The following MYCBP2 variants were observed in gnomAD, a reference collection of about 807,000 sequenced individuals.
The protein encoded by MYCBP2 is E3 ubiquitin-protein ligase MYCBP2.
A neutral mutation model predicts 525.3 loss-of-function variants in MYCBP2; 120 were observed. That is an observed-to-expected ratio of 0.23 (90% CI 0.20 to 0.27). The LOEUF (loss-of-function observed/expected upper bound fraction) is 0.27, where lower values mean the gene tolerates loss of function less well. Among genes scored for constraint, MYCBP2 ranks in the 10% least tolerant of loss-of-function variants. The pLI, the probability that MYCBP2 is intolerant of heterozygous loss-of-function variation, is 1.00. For synonymous variants in MYCBP2, 1,894 were observed against 1,955.8 expected (o/e 0.97, Z 0.83); for missense variants, 4,149 against 5,657.1 (o/e 0.73, Z 8.55).
At chr13:77,249,988 C>A (rs929016533) in intron 15 of MYCBP2, among the ~76,000 whole-genome samples, 8 of 152,146 alleles carry the variant, frequency 5.3e-5, no homozygotes, top group African/African-American at 1.9e-4. Context: ...CTTTGGGAGG[C>A]CGAGGCGGGC....
Position 77,072,955 on chromosome 13 carries a change from T to G in MYCBP2, c.11824-2244A>C, listed in dbSNP as rs1263038049. Reference sequence around the variant, plus strand: ...AGATAGTTCTTTCATCTTGTTTACCTCTTTCATCATTTATTTTTGCTTTTT... The same window carrying G: ...AGATAGTTCTTTCATCTTGTTTACCGCTTTCATCATTTATTTTTGCTTTTT... On this transcript the variant is annotated intron_variant, in intron 68 of 82. Coordinates refer to ENST00000544440, the MANE Select transcript of MYCBP2 (RefSeq NM_015057.5). Among the ~76,000 whole-genome samples the G allele has an allele frequency of 3.9e-5, 6 of 152,200 alleles. No homozygotes were observed. The East Asian group carries it at 1.2e-3, about 29-fold the overall frequency.
chr13:77,245,833 T>C (rs529854166), intron 15 of MYCBP2, among the ~76,000 whole-genome samples: 4 of 137,750 alleles, frequency 2.9e-5, no homozygotes, highest in South Asian at 4.6e-4. Flanking sequence ...AATACATATA[T>C]ATGTATATAT....
chr13:77,147,511 A>T lies in MYCBP2; in HGVS notation c.7132-1294T>A, dbSNP rs570513686. On this transcript the variant is annotated intron_variant, in intron 47 of 82. Coordinates refer to ENST00000544440, the MANE Select transcript of MYCBP2 (RefSeq NM_015057.5). ...GATGTCCAACTGCTCATCTACTTCT[A>T]ACTCCTCCTGTACTTACAGTAAAAG... Among the ~76,000 whole-genome samples, 50 of 152,152 alleles carry T rather than the reference A, an allele frequency of 3.3e-4. 1 individual carries two copies. Among genetic ancestry groups the T allele is most frequent in the African/African-American group, 1.0e-3 (43 of 41,548 alleles).
intron 44 of MYCBP2, among the ~76,000 whole-genome samples, chr13:77,161,643 G>C (rs1045398333): frequency 6.6e-6 from 1 of 152,100 alleles, no homozygotes; most frequent in Non-Finnish European, 1.5e-5. Context: ...GCCATCCTCC[G>C]CACCCTTGGC....
At chr13:77,151,016 AC>A in intron 46 of MYCBP2, 67 bp from the exon 47 acceptor site, 1 of 1,277,256 alleles carries the variant, frequency 7.8e-7, no homozygotes, top group Non-Finnish European at 1.1e-6. Flanking sequence ...AAAATAAGCA[AC>A]TTACTATTAT....
chr13:77,095,552 C>T lies in MYCBP2; in HGVS notation c.10005G>A (p.Leu3335=), dbSNP rs762376219. The part of the protein sequence containing the change: ...KPMQVKTPRA[L]PTMEAHQVIK... ...TCACCTGGTGAGCTTCCATGGTGGG[C>T]AAGGCACGAGGGGTCTTGACTTGCA... The change falls in exon 58 of 83, where the codon TTG becomes TTA. Residue 3335 remains leucine (L), a synonymous_variant. Transcript: ENST00000544440. 6.8e-6 allele frequency: 11 copies of T among 1,613,494 alleles called. No homozygotes were observed. The highest frequency in any genetic ancestry group is 9.3e-6 in the Non-Finnish European group (11 of 1,179,660).
chr13:77,317,807 T>A (rs2081130006), intron 1 of MYCBP2, among the ~76,000 whole-genome samples: 1 of 152,070 alleles, frequency 6.6e-6, no homozygotes, highest in Non-Finnish European at 1.5e-5. Context: ...CGTGGTGATG[T>A]GCACCTGTAG....
chr13:77,181,010 T>C (rs1278380412), intron 33 of MYCBP2, among the ~76,000 whole-genome samples: 1 of 152,248 alleles, frequency 6.6e-6, no homozygotes, highest in Non-Finnish European at 1.5e-5. Flanking sequence ...AACTGTAGTC[T>C]GTGTAAATCA....
intron 1 of MYCBP2, among the ~76,000 whole-genome samples, chr13:77,301,774 G>A (rs916395183): frequency 1.3e-5 from 2 of 152,098 alleles, no homozygotes; most frequent in Non-Finnish European, 2.9e-5. Context: ...AGATATTAAC[G>A]TTAGGAGGCA....
intron 3 of MYCBP2, among the ~76,000 whole-genome samples, chr13:77,279,664 A>C (rs1287575847): frequency 6.6e-6 from 1 of 152,228 alleles, no homozygotes; most frequent in South Asian, 2.1e-4. Flanking sequence ...TGAACACAAC[A>C]GTGGAAGAAT....
intron 23 of MYCBP2, among the ~76,000 whole-genome samples, chr13:77,210,244 G>A (rs934862022): frequency 3.3e-5 from 5 of 149,846 alleles, no homozygotes; most frequent in African/African-American, 1.2e-4. Context: ...CCAGGCTGGA[G>A]TGCAGTGGTG....
intron 21 of MYCBP2, among the ~76,000 whole-genome samples, chr13:77,215,817 G>A (rs1191655939): frequency 2.6e-5 from 4 of 152,172 alleles, no homozygotes; most frequent in Non-Finnish European, 5.9e-5. Flanking sequence ...CTGGGCTTGA[G>A]TGATCCTCCT....
At chr13:77,310,092 C>T (rs577904646) in intron 1 of MYCBP2, among the ~76,000 whole-genome samples, 65 of 152,164 alleles carry the variant, frequency 4.3e-4, no homozygotes, top group Non-Finnish European at 8.7e-4. Flanking sequence ...AGCCTGGCAA[C>T]GGAGTGAGAC....
intron 8 of MYCBP2, among the ~76,000 whole-genome samples, chr13:77,264,303 T>C (rs768418498): frequency 2.0e-5 from 3 of 151,718 alleles, no homozygotes; most frequent in Non-Finnish European, 2.9e-5. Context: ...ATGAACAAAC[T>C]ATAATGTTGG....
intron 35 of MYCBP2, among the ~76,000 whole-genome samples, chr13:77,177,459 A>C (rs2059821870): frequency 6.8e-6 from 1 of 148,034 alleles, no homozygotes; most frequent in South Asian, 2.1e-4. Context: ...CTCCCACCCC[A>C]GCCTCCAGAG....
Position 77,322,004 on chromosome 13 carries a change from T to TA in MYCBP2, c.302+4469dup, listed in dbSNP as rs552214953. ...GGTGAGACCCTGTGTCTACAAAAAA[T>TA]AAAAAACAAGCCAGGCATGGTGGTG... On this transcript the variant is annotated intron_variant, in intron 1 of 82. Transcript: ENST00000544440. 1.0e-3 allele frequency among the ~76,000 whole-genome samples: 156 copies of TA among 151,826 alleles called. 1 individual carries two copies. The highest frequency in any genetic ancestry group is 3.4e-3 in the Middle Eastern group (1 of 294).
intron 15 of MYCBP2, among the ~76,000 whole-genome samples, chr13:77,249,675 A>G (rs2154327149): frequency 1.3e-5 from 2 of 152,270 alleles, no homozygotes; most frequent in South Asian, 4.1e-4. Context: ...GATTACAGAC[A>G]TGGGCCACTA....
chr13:77,063,768 TAGAAAA>T (rs1295357989), intron 73 of MYCBP2, among the ~76,000 whole-genome samples: 1 of 151,114 alleles, frequency 6.6e-6, no homozygotes, highest in Non-Finnish European at 1.5e-5. Context: ...GACAGAAAAA[TAGAAAA>T]AGAAATAATG....
At chr13:77,138,800 T>C (rs2054149706) in intron 52 of MYCBP2, among the ~76,000 whole-genome samples, 2 of 152,180 alleles carry the variant, frequency 1.3e-5, no homozygotes, top group South Asian at 4.1e-4. Context: ...AATGTGAACA[T>C]AACATACATT....
Sources: gnomAD v4.1 joint callset for allele counts (sites outside exome capture counted in the v4.1 genomes callset) on GRCh38, gnomAD v4.1.1 for gene constraint, MANE v1.5 for transcripts, NCBI Gene and HGNC (gene_info 2026-07-23, HGNC 2026-07-21) for gene names.